Variants in GALNT13 observed in about 807,000 individuals in gnomAD.
GALNT13 encodes the protein polypeptide N-acetylgalactosaminyltransferase 13.
In GALNT13, 28 loss-of-function variants were observed where a neutral mutation model predicts 64.2. That is an observed-to-expected ratio of 0.44 (90% confidence interval 0.32 to 0.60). The LOEUF (loss-of-function observed/expected upper bound fraction) is 0.60, where lower values mean the gene tolerates loss of function less well. Among genes scored for constraint, GALNT13 ranks in the 20% least tolerant of loss-of-function variants. The probability of loss-of-function intolerance (pLI) is 0.05; values close to 1 mark genes in which losing one functional copy is unlikely to be tolerated. For synonymous variants in GALNT13, 214 were observed against 224.6 expected, an observed-to-expected ratio of 0.95 and a Z score of 0.42; for missense variants, 577 against 669.8, an observed-to-expected ratio of 0.86 and a Z score of 1.53.
At chr2:153,467,753 G>T in the GALNT13 span, among the ~76,000 whole-genome samples, 2 of 151,966 alleles carry the variant, frequency 1.3e-5, no homozygotes, top group Non-Finnish European at 2.9e-5. Context: ...GTATCAACAA[G>T]AATTTATTTG....
chr2:153,560,527 T>G, the GALNT13 span, among the ~76,000 whole-genome samples: 1 of 152,090 alleles, frequency 6.6e-6, no homozygotes, highest in South Asian at 2.1e-4. Flanking sequence ...AGAAAGAATG[T>G]ATCAAATTCT....
At chr2:153,985,409 C>T (rs913607702) in intron 3 of GALNT13, among the ~76,000 whole-genome samples, 7 of 151,852 alleles carry the variant, frequency 4.6e-5, no homozygotes. Context: ...CAAGAATTTC[C>T]TTCCTGTTCA....
At chr2:153,291,906 G>A in the GALNT13 span, among the ~76,000 whole-genome samples, 2 of 152,094 alleles carry the variant, frequency 1.3e-5, no homozygotes, top group African/African-American at 2.4e-5. Context: ...TTGCATGCAC[G>A]TGCAGTGGTT....
chr2:154,282,725 T>A (rs1235930341), intron 8 of GALNT13, among the ~76,000 whole-genome samples: 1 of 152,190 alleles, frequency 6.6e-6, no homozygotes, highest in Non-Finnish European at 1.5e-5. Flanking sequence ...CATTAAATTA[T>A]CAAGTATTGG....
chr2:153,490,515 G>C, the GALNT13 span, among the ~76,000 whole-genome samples: 3 of 152,092 alleles, frequency 2.0e-5, no homozygotes, highest in Non-Finnish European at 4.4e-5. Flanking sequence ...AAGTAGCTGG[G>C]ACTGCAGGCA....
chr2:154,268,570 A>C (rs1451848924), intron 8 of GALNT13, among the ~76,000 whole-genome samples: 1 of 152,138 alleles, frequency 6.6e-6, no homozygotes, highest in Admixed American at 6.6e-5. Flanking sequence ...TATGCAGTTC[A>C]TTATATGTTA....
intron 3 of GALNT13, among the ~76,000 whole-genome samples, chr2:154,075,303 G>A (rs1700931025): frequency 6.6e-6 from 1 of 151,672 alleles, no homozygotes; most frequent in Non-Finnish European, 1.5e-5. Flanking sequence ...AAACAACACA[G>A]TTCTTTCTAT....
intron 4 of GALNT13, among the ~76,000 whole-genome samples, chr2:154,166,141 A>G (rs1685006735): frequency 6.6e-6 from 1 of 152,230 alleles, no homozygotes. Context: ...ACTGTGGTTC[A>G]TGCCTGTAAT....
chr2:153,651,333 A>T, the GALNT13 span, among the ~76,000 whole-genome samples: 1 of 152,162 alleles, frequency 6.6e-6, no homozygotes, highest in Non-Finnish European at 1.5e-5. Flanking sequence ...ATGAGAACCA[A>T]TTTGGTGGAA....
the GALNT13 span, among the ~76,000 whole-genome samples, chr2:153,718,609 C>A: frequency 6.6e-6 from 1 of 152,142 alleles, no homozygotes; most frequent in African/African-American, 2.4e-5. Context: ...TCATAGCCAT[C>A]TTCATATTCT....
At chr2:154,306,717 A>G (rs992435439) in intron 9 of GALNT13, among the ~76,000 whole-genome samples, 1 of 151,088 alleles carries the variant, frequency 6.6e-6, no homozygotes, top group Non-Finnish European at 1.5e-5. Context: ...CCTGGGTGGG[A>G]TCACAGAACT....
chr2:153,440,279 C>T, the GALNT13 span, among the ~76,000 whole-genome samples: 1 of 152,158 alleles, frequency 6.6e-6, no homozygotes, highest in Non-Finnish European at 1.5e-5. Context: ...AGGACATGAA[C>T]TCATCCTTTT....
chr2:153,916,244 A>G (rs776461125), intron 2 of GALNT13, among the ~76,000 whole-genome samples: 63 of 149,238 alleles, frequency 4.2e-4, no homozygotes, highest in Non-Finnish European at 7.5e-4. Flanking sequence ...TGCAGCCTTG[A>G]CCTCTTGTAC....
chr2:153,928,805 G>A (rs1025028030), intron 2 of GALNT13, among the ~76,000 whole-genome samples: 1 of 151,942 alleles, frequency 6.6e-6, no homozygotes, highest in African/African-American at 2.4e-5. Flanking sequence ...GACAACCATA[G>A]CATCTTCATA....
chr2:154,139,652 A>ACACACACC (rs1426398269), intron 3 of GALNT13, among the ~76,000 whole-genome samples: 2 of 148,756 alleles, frequency 1.3e-5, no homozygotes, highest in Admixed American at 6.7e-5. Flanking sequence ...ACACACACAC[A>ACACACACC]CCCCTTGAAA....
At chr2:154,297,390 C>A (rs1403290051) in intron 8 of GALNT13, among the ~76,000 whole-genome samples, 1 of 152,078 alleles carries the variant, frequency 6.6e-6, no homozygotes, top group African/African-American at 2.4e-5. Context: ...ATTACTGCCT[C>A]ACATATGGCC....
the GALNT13 span, chr2:153,761,772 T>A: frequency 6.5e-6 from 1 of 153,324 alleles, no homozygotes; most frequent in African/African-American, 2.4e-5. Context: ...CAATGTGACC[T>A]GGGTGAGAGG....
chr2:153,880,592 T>C (rs1286833726), intron 1 of GALNT13, among the ~76,000 whole-genome samples: 3 of 152,144 alleles, frequency 2.0e-5, no homozygotes, highest in Non-Finnish European at 4.4e-5. Context: ...TTTCTCTTTT[T>C]CTTATAGCAA....
At chr2:153,432,982 G>T in the GALNT13 span, among the ~76,000 whole-genome samples, 3 of 151,414 alleles carry the variant, frequency 2.0e-5, no homozygotes, top group Admixed American at 6.6e-5. Flanking sequence ...CACATAACAC[G>T]CACTCATGCA....
Sources: gnomAD v4.1 joint callset for allele counts (sites outside exome capture counted in the v4.1 genomes callset) on GRCh38, gnomAD v4.1.1 for gene constraint, MANE v1.5 for transcripts, NCBI Gene and HGNC (gene_info 2026-07-23, HGNC 2026-07-21) for gene names.